PCDHGA2: variants seen among roughly 807,000 people sequenced by gnomAD.
PCDHGA2 encodes the protein protocadherin gamma subfamily A, 2, also known as protocadherin gamma-A2.
In PCDHGA2, 40 loss-of-function variants were observed where a neutral mutation model predicts 59.2. That is an observed-to-expected ratio of 0.68 (90% CI 0.52 to 0.88). The LOEUF is 0.88. PCDHGA2 is among the 40% of genes least tolerant of loss of function. The probability of loss-of-function intolerance (pLI) is 0.00; values close to 1 mark genes in which losing one functional copy is unlikely to be tolerated. For synonymous variants in PCDHGA2, 560 were observed against 526.0 expected (o/e 1.06, Z -0.89); for missense variants, 1,226 against 1,204.0 (o/e 1.02, Z -0.27).
chr5:141,472,564 A>G (rs1471933375), intron 1 of PCDHGA2, among the ~76,000 whole-genome samples: 6 of 152,050 alleles, frequency 3.9e-5, no homozygotes, highest in Admixed American at 2.6e-4. Context: ...TATATTATAA[A>G]TGCTGCATCT....
chr5:141,364,450 C>T, intron 1 of PCDHGA2: 3 of 1,613,980 alleles, frequency 1.9e-6, no homozygotes, highest in Non-Finnish European at 2.5e-6. Context: ...AGGAGCTGGA[C>T]AAAGGCTCCT....
In PCDHGA2 at chr5:141,489,597, A is replaced by G; in HGVS notation, c.2425-5210A>G. 6.2e-7 allele frequency: 1 copy of G among 1,614,100 alleles called. No individual in the cohort carries two copies. The highest frequency in any genetic ancestry group is 1.3e-5 in the African/African-American group (1 of 75,040). ...AACACCCCCTGGAGCTAATCCGTGTAGAGGTAGAGATCCTGGATCTCAATG... is the reference window on the plus strand; with the variant it reads ...AACACCCCCTGGAGCTAATCCGTGTGGAGGTAGAGATCCTGGATCTCAATG... On this transcript the variant is annotated intron_variant, in intron 1 of 3. Transcript: ENST00000394576. The surrounding 1 kb of genome is among the most constrained non-coding windows in gnomAD (Gnocchi z 4.5).
intron 1 of PCDHGA2, chr5:141,345,669 G>T: frequency 6.2e-7 from 1 of 1,614,204 alleles, no homozygotes; most frequent in Non-Finnish European, 8.5e-7. Context: ...CAGCAGCAAC[G>T]TGTCGCTGAA....
chr5:141,456,157 A>G (rs1307977690), intron 1 of PCDHGA2, among the ~76,000 whole-genome samples: 3 of 152,052 alleles, frequency 2.0e-5, no homozygotes, highest in Admixed American at 1.3e-4. Context: ...TCGGCCTCCT[A>G]AAGTGCTGGG....
chr5:141,432,650 G>T lies in PCDHGA2; in HGVS notation c.2425-62157G>T. 6.2e-7 allele frequency: 1 copy of T among 1,613,868 alleles called. No individual in the cohort carries two copies. The highest frequency in any genetic ancestry group is 1.1e-5 in the South Asian group (1 of 91,064). On this transcript the variant is annotated intron_variant, in intron 1 of 3. Transcript: ENST00000394576. The surrounding 1 kb of genome is among the most constrained non-coding windows in gnomAD (Gnocchi z 6.0). The stretch of plus-strand genomic sequence containing the variant: ...CACGGGCGAGGTGCGCACGGCGCGA[G>T]CCCTGCTGGACAGAGACGCGCTCAA...
At chr5:141,501,146 T>C (rs2299023) in intron 2 of PCDHGA2, among the ~76,000 whole-genome samples, 88,663 of 152,012 alleles carry the variant, frequency 0.58, 27,355 homozygotes, top group African/African-American at 0.78. Context: ...GGATTACAGG[T>C]GGGAGCCACC....
At chr5:141,361,293 G>C (rs1406252392) in intron 1 of PCDHGA2, 2 of 1,613,900 alleles carry the variant, frequency 1.2e-6, no homozygotes, top group African/African-American at 2.7e-5. Flanking sequence ...ACTGCCAAGT[G>C]TTGGGAAATG....
intron 1 of PCDHGA2, chr5:141,351,023 G>A: frequency 3.7e-6 from 6 of 1,614,056 alleles, no homozygotes; most frequent in Non-Finnish European, 5.1e-6. Flanking sequence ...CGTACCGTGG[G>A]GAACCTCCGT....
intron 1 of PCDHGA2, among the ~76,000 whole-genome samples, chr5:141,363,216 T>A (rs1186029128): frequency 6.6e-6 from 1 of 152,230 alleles, no homozygotes; most frequent in African/African-American, 2.4e-5. Context: ...TTGAGAAAAA[T>A]CTTACAACCT....
At chr5:141,367,247 T>C (rs1765012558) in intron 1 of PCDHGA2, 1 of 153,262 alleles carries the variant, frequency 6.5e-6, no homozygotes, top group South Asian at 2.0e-4. Context: ...GTCATAAATA[T>C]CAGAAAAGAG....
At chr5:141,361,570 C>G (rs1405312992) in intron 1 of PCDHGA2, 1 of 1,613,918 alleles carries the variant, frequency 6.2e-7, no homozygotes, top group Non-Finnish European at 8.5e-7. Flanking sequence ...TGCCTCTGAC[C>G]CTGACTTGGG....
Position 141,491,482 on chromosome 5 carries a change from A to G in PCDHGA2, c.2425-3325A>G. On this transcript the variant is annotated intron_variant, in intron 1 of 3. Coordinates refer to ENST00000394576, the MANE Select transcript of PCDHGA2 (RefSeq NM_018915.4). The surrounding 1 kb of genome is among the most constrained non-coding windows in gnomAD (Gnocchi z 6.9). Reference sequence around the variant, plus strand: ...GGACTTCTATAAGCAGTCCAGCCCCAACCTGCAGGTGAGCTCGGACGGCAC... The same window carrying G: ...GGACTTCTATAAGCAGTCCAGCCCCGACCTGCAGGTGAGCTCGGACGGCAC... 1 of 1,614,088 alleles carries G rather than the reference A, an allele frequency of 6.2e-7. No individual in the cohort carries two copies. The highest frequency in any genetic ancestry group is 8.5e-7 in the Non-Finnish European group (1 of 1,180,006).
intron 1 of PCDHGA2, among the ~76,000 whole-genome samples, chr5:141,379,889 C>CTTTTTTTTTGTTTTTTTTTTTTTTTTT (rs1775948001): frequency 2.0e-5 from 1 of 50,830 alleles, no homozygotes; most frequent in Non-Finnish European, 3.9e-5. Context: ...GTGAAAGCCT[C>CTTTTTTTTTGTTTTTTTTTTTTTTTTT]TTTTTTTTTT....
intron 1 of PCDHGA2, among the ~76,000 whole-genome samples, chr5:141,450,823 A>ATTT: frequency 7.5e-6 from 1 of 133,136 alleles, no homozygotes; most frequent in African/African-American, 2.9e-5. Flanking sequence ...TAATATTATT[A>ATTT]TTATTATTTT....
intron 1 of PCDHGA2, among the ~76,000 whole-genome samples, chr5:141,382,187 A>G (rs527857463): frequency 6.6e-6 from 1 of 152,216 alleles, no homozygotes; most frequent in Non-Finnish European, 1.5e-5. Flanking sequence ...AAGGTTCTAT[A>G]CAATCAAAAA....
chr5:141,382,954 C>T, intron 1 of PCDHGA2: 1 of 1,604,450 alleles, frequency 6.2e-7, no homozygotes, highest in East Asian at 2.2e-5. Flanking sequence ...GCTCTCCATC[C>T]TCCTGGGGAC....
At chr5:141,423,119 G>T (rs769320490) in intron 1 of PCDHGA2, 2 of 1,613,774 alleles carry the variant, frequency 1.2e-6, no homozygotes, top group Non-Finnish European at 1.7e-6. Context: ...CGTACAGCGC[G>T]GGCACTGCTG....
rs55729045 is a variant in PCDHGA2 at position 141,395,542 on chromosome 5, TTGTGTGTGTGTGTGTG to T, written c.2424+54181_2424+54196del. 64 of 172,628 alleles carry T rather than the reference TTGTGTGTGTGTGTGTG, an allele frequency of 3.7e-4. 1 individual carries two copies. Among genetic ancestry groups the T allele is most frequent in the South Asian group, 2.0e-3 (23 of 11,528 alleles). The allele number at this position is 172,628 out of a possible 1,614,324, so 10.7% of individuals were successfully genotyped here. A position where few individuals can be genotyped will look rare whatever the true frequency, so the allele number is the denominator to read the frequency against. ...TCCATACTGGTAATTTTGCTATTGT[TTGTGTGTGTGTGTGTG>T]TGTGTGTGTGTGTGTGTGTGTGTGT... On this transcript the variant is annotated intron_variant, in intron 1 of 3. Coordinates refer to ENST00000394576, the MANE Select transcript of PCDHGA2 (RefSeq NM_018915.4).
chr5:141,381,725 G>T (rs568567698), intron 1 of PCDHGA2, among the ~76,000 whole-genome samples: 1 of 151,768 alleles, frequency 6.6e-6, no homozygotes, highest in Admixed American at 6.6e-5. Flanking sequence ...AAGACTGGGA[G>T]TGAGAATATT....
Sources: allele counts gnomAD v4.1 joint callset (sites outside exome capture counted in the v4.1 genomes callset), GRCh38; gene constraint gnomAD v4.1.1; non-coding constraint Gnocchi (gnomAD v3.1); transcripts MANE v1.5; gene names NCBI Gene and HGNC (gene_info 2026-07-23, HGNC 2026-07-21).